The following CNTLN variants were observed in gnomAD, a reference collection of about 807,000 sequenced individuals.
CNTLN encodes centlein, also known as centlein, centrosomal protein.
A neutral mutation model predicts 180.0 loss-of-function variants in CNTLN; 212 were observed. The observed-to-expected ratio is 1.18, with a 90% confidence interval of 1.05 to 1.32. The LOEUF (loss-of-function observed/expected upper bound fraction) is 1.32. CNTLN is among the 40% of genes most tolerant of loss of function. The pLI is 0.00. For missense variants in CNTLN, 2,095 were observed against 1,610.9 expected, an observed-to-expected ratio of 1.30 and a Z score of -5.14; for synonymous variants, 722 against 563.1, an observed-to-expected ratio of 1.28 and a Z score of -3.99.
rs147390560 is a variant in CNTLN, at chr9:17,201,753, A to G, written c.450-24450A>G. ...TTCTTTATTATTAGTCTAGCTAGTG[A>G]TCTATTTTGTCAATCTTTTCAAAAA... On this transcript the variant is annotated intron_variant, in intron 2 of 25. Coordinates refer to ENST00000380647, the MANE Select transcript of CNTLN (RefSeq NM_017738.4). Among the ~76,000 whole-genome samples the G allele has an allele frequency of 5.3e-3, 802 of 151,122 alleles. 5 individuals are homozygous for G. Among genetic ancestry groups the G allele is most frequent in the African/African-American group, 0.019 (772 of 41,194 alleles).
At chr9:17,336,553 A>G (rs1181381082) in intron 10 of CNTLN, among the ~76,000 whole-genome samples, 2 of 152,198 alleles carry the variant, frequency 1.3e-5, no homozygotes, top group South Asian at 2.1e-4. Flanking sequence ...CTTATGAATT[A>G]TGTCTATCAA....
At position 17,189,685 on chromosome 9, in the gene CNTLN, C is replaced by G. The variant is rs917596890; in HGVS notation, c.450-36518C>G. Among the ~76,000 whole-genome samples, 3 of 151,802 alleles carry G rather than the reference C, an allele frequency of 2.0e-5. No individual in the cohort carries two copies. The East Asian group carries it at 5.9e-4, about 30-fold the overall frequency. ...TATTTTTAGTAGAGACGGGGTTTCC[C>G]TATGTTGGCCAGGCTGGTCTCGAAC... is the stretch of plus-strand genomic sequence containing the variant. On this transcript the variant is annotated intron_variant, in intron 2 of 25. Coordinates refer to ENST00000380647, the MANE Select transcript of CNTLN (RefSeq NM_017738.4).
At chr9:17,311,274 C>T (rs1309075302) in intron 8 of CNTLN, among the ~76,000 whole-genome samples, 1 of 151,866 alleles carries the variant, frequency 6.6e-6, no homozygotes, top group Non-Finnish European at 1.5e-5. Flanking sequence ...ATCCACCCGC[C>T]GTGGCCTTCC....
chr9:17,397,366 G>T (rs1374257587), intron 15 of CNTLN, among the ~76,000 whole-genome samples: 2 of 152,168 alleles, frequency 1.3e-5, no homozygotes, highest in African/African-American at 4.8e-5. Flanking sequence ...CATTTTTATG[G>T]TTATTTCCTG....
chr9:17,172,986 C>T (rs940850733), intron 2 of CNTLN, among the ~76,000 whole-genome samples: 2 of 152,064 alleles, frequency 1.3e-5, no homozygotes, highest in Non-Finnish European at 2.9e-5. Context: ...ATGGTTATAT[C>T]CTGTTGGAAG....
intron 2 of CNTLN, among the ~76,000 whole-genome samples, chr9:17,179,032 C>T (rs1007884335): frequency 2.0e-5 from 3 of 151,510 alleles, no homozygotes; most frequent in Non-Finnish European, 2.9e-5. Flanking sequence ...ATCACGAGGT[C>T]AGGAGATCGA....
At chr9:17,271,844 T>A (rs1426874446) in intron 5 of CNTLN, among the ~76,000 whole-genome samples, 4 of 152,222 alleles carry the variant, frequency 2.6e-5, no homozygotes, top group Non-Finnish European at 5.9e-5. Flanking sequence ...TCAATAATTT[T>A]TGATTTGGTT....
At chr9:17,237,483 A>G (rs1453885253) in intron 5 of CNTLN, among the ~76,000 whole-genome samples, 1 of 151,990 alleles carries the variant, frequency 6.6e-6, no homozygotes, top group African/African-American at 2.4e-5. Context: ...ATTCAGAAAA[A>G]AAAAACAACA....
rs1035694052 is a variant in CNTLN at position 17,416,049 on chromosome 9, C to A, written c.2974C>A (p.Gln992Lys). Residue 992 changes from glutamine (Q) to lysine (K), a missense_variant, in exon 18 of 26, where the codon CAA becomes AAA. Physicochemically the swap from Gln to Lys is moderately conservative, Grantham distance 53. Coordinates refer to ENST00000380647, the MANE Select transcript of CNTLN (RefSeq NM_017738.4). ...ILLRERIISLQQQNSVLQNAK... is the reference protein window; with the variant it reads ...ILLRERIISLKQQNSVLQNAK... ...ATTACGAGAACGGATTATATCCTTG[C>A]AACAACAAAACAGTGTACTTCAGAA... 6.2e-7 allele frequency: 1 copy of A among 1,613,348 alleles called. No individual in the cohort carries two copies. Among genetic ancestry groups the A allele is most frequent in the Non-Finnish European group, 8.5e-7 (1 of 1,179,668 alleles).
In CNTLN at chr9:17,422,683, A is replaced by G. The variant is rs574582941; in HGVS notation, c.3114+6494A>G. Among the ~76,000 whole-genome samples, 3 of 152,256 alleles carry G rather than the reference A, an allele frequency of 2.0e-5. No homozygotes were observed. In the South Asian group the frequency reaches 6.2e-4, roughly 32 times the overall value. The stretch of plus-strand genomic sequence containing the variant: ...TTGAATTCTCTGTCTGAAAGGTCAC[A>G]TATCTCTGTCACCCTGGGATTGGTT... On this transcript the variant is annotated intron_variant, in intron 18 of 25. Transcript: ENST00000380647.
At chr9:17,213,900 T>A (rs1399917209) in intron 2 of CNTLN, among the ~76,000 whole-genome samples, 1 of 152,180 alleles carries the variant, frequency 6.6e-6, no homozygotes, top group Admixed American at 6.5e-5. Context: ...TGTTTTCCAT[T>A]TTCTTGGTAG....
At chr9:17,169,607 C>T (rs899184544) in intron 2 of CNTLN, among the ~76,000 whole-genome samples, 2 of 151,962 alleles carry the variant, frequency 1.3e-5, no homozygotes, top group Non-Finnish European at 2.9e-5. Flanking sequence ...CAATTTTATT[C>T]TTCCACATGT....
chr9:17,149,817 T>C (rs1586917604), intron 2 of CNTLN, among the ~76,000 whole-genome samples: 2 of 152,302 alleles, frequency 1.3e-5, no homozygotes, highest in East Asian at 3.9e-4. Context: ...GCACCTGGCC[T>C]GTTTCCTGAC....
intron 23 of CNTLN, among the ~76,000 whole-genome samples, chr9:17,477,610 C>A (rs2263147): frequency 0.047 from 7,219 of 152,198 alleles, 198 homozygotes; most frequent in Middle Eastern, 0.12. Context: ...GAAGAAACTG[C>A]AGATGTGGTA....
intron 5 of CNTLN, among the ~76,000 whole-genome samples, chr9:17,248,258 G>C (rs924391676): frequency 6.6e-6 from 1 of 151,988 alleles, no homozygotes; most frequent in South Asian, 2.1e-4. Context: ...TACAGAATGA[G>C]TTAGGATGTA....
chr9:17,242,956 G>A (rs558123598), intron 5 of CNTLN, among the ~76,000 whole-genome samples: 45 of 152,158 alleles, frequency 3.0e-4, no homozygotes, highest in African/African-American at 8.0e-4. Context: ...AGAAATCAGC[G>A]GTGAAGCTGG....
chr9:17,382,640 G>A (rs994018157), intron 13 of CNTLN, among the ~76,000 whole-genome samples: 8 of 152,176 alleles, frequency 5.3e-5, no homozygotes, highest in African/African-American at 1.9e-4. Context: ...AACAAAAATT[G>A]TTCTAAAACC....
chr9:17,215,333 C>T (rs1410035064), intron 2 of CNTLN, among the ~76,000 whole-genome samples: 1 of 152,160 alleles, frequency 6.6e-6, no homozygotes, highest in African/African-American at 2.4e-5. Context: ...AACCTCTTTG[C>T]CTGGGTGTCA....
chr9:17,436,165 C>G (rs143852749), intron 18 of CNTLN, among the ~76,000 whole-genome samples: 3 of 152,058 alleles, frequency 2.0e-5, no homozygotes. Context: ...ATAAATATTA[C>G]ATATTTTCTC....
Sources: gnomAD v4.1 joint callset for allele counts (sites outside exome capture counted in the v4.1 genomes callset) on GRCh38, gnomAD v4.1.1 for gene constraint, MANE v1.5 for transcripts, NCBI Gene and HGNC (gene_info 2026-07-23, HGNC 2026-07-21) for gene names.